ZNF264: variants seen among roughly 807,000 people sequenced by gnomAD.
The protein encoded by ZNF264 is zinc finger protein 264.
ZNF264 carries 11 observed loss-of-function variants against 11.2 expected under a neutral mutation model. That is an observed-to-expected ratio of 0.98 (90% CI 0.62 to 1.63). The LOEUF (loss-of-function observed/expected upper bound fraction) is 1.63. Among genes scored for constraint, ZNF264 ranks in the 40% most tolerant of loss-of-function variants. ZNF264 has a pLI of 0.00. For synonymous variants in ZNF264, 309 were observed against 279.8 expected (o/e 1.10, Z -1.04); for missense variants, 752 against 768.1 (o/e 0.98, Z 0.25).
At chr19:57,208,145 A>G (rs2087307807) in intron 3 of ZNF264, among the ~76,000 whole-genome samples, 1 of 152,250 alleles carries the variant, frequency 6.6e-6, no homozygotes, top group Non-Finnish European at 1.5e-5. Context: ...GTAAGCCACT[A>G]TGCCCAGCCT....
chr19:57,195,120 A>C (rs1272506008), intron 2 of ZNF264, among the ~76,000 whole-genome samples: 1 of 152,164 alleles, frequency 6.6e-6, no homozygotes, highest in Admixed American at 6.5e-5. Context: ...ACCCATACAC[A>C]TCTCCTGAGA....
chr19:57,203,322 T>G (rs2087267092), intron 2 of ZNF264, among the ~76,000 whole-genome samples: 1 of 152,126 alleles, frequency 6.6e-6, no homozygotes, highest in African/African-American at 2.4e-5. Context: ...TTAGGTGGAT[T>G]GCACATGAAA....
chr19:57,193,552 G>A (rs1326457108), intron 1 of ZNF264: 2 of 984,980 alleles, frequency 2.0e-6, no homozygotes, highest in Non-Finnish European at 2.4e-6. Flanking sequence ...TACTGCCGTT[G>A]TAACCATTAT....
At position 57,193,972 on chromosome 19, in the gene ZNF264, T is replaced by A; in HGVS notation, c.131T>A (p.Leu44Gln). Residue 44 changes from leucine to glutamine, a missense_variant, in exon 2 of 4, where the codon CTG becomes CAG. Leu to Gln is a moderately radical substitution (Grantham distance 113, BLOSUM62 -2). Transcript: ENST00000263095. Reference protein sequence around the residue: ...AQRTLYQEVMLENCGLLVSLG... With the variant: ...AQRTLYQEVMQENCGLLVSLG... Reference sequence around the variant, plus strand: ...CGGACCCTGTACCAGGAGGTGATGCTGGAAAACTGTGGGCTCCTGGTGTCT... The same window carrying A: ...CGGACCCTGTACCAGGAGGTGATGCAGGAAAACTGTGGGCTCCTGGTGTCT... 1 of 1,613,178 alleles carries A rather than the reference T, an allele frequency of 6.2e-7. No homozygotes were observed. Among genetic ancestry groups the A allele is most frequent in the Non-Finnish European group, 8.5e-7 (1 of 1,179,460 alleles).
chr19:57,199,184 G>C (rs976660844), intron 2 of ZNF264, among the ~76,000 whole-genome samples: 3 of 151,916 alleles, frequency 2.0e-5, no homozygotes, highest in Non-Finnish European at 4.4e-5. Context: ...CTTGGCCCCT[G>C]CCACCTCGGG....
At chr19:57,203,577 G>A (rs1421229981) in intron 2 of ZNF264, among the ~76,000 whole-genome samples, 1 of 152,224 alleles carries the variant, frequency 6.6e-6, no homozygotes, top group Non-Finnish European at 1.5e-5. Context: ...TTTTAAAGTA[G>A]AAGTCCTCTT....
chr19:57,192,011 G>T, intron 1 of ZNF264, 65 bp downstream of exon 1: 1 of 1,418,924 alleles, frequency 7.0e-7, no homozygotes. Context: ...TCCGAAGTGG[G>T]TGGGAGCCCA....
chr19:57,204,536 T>G (rs963902829), intron 2 of ZNF264, among the ~76,000 whole-genome samples: 3 of 152,246 alleles, frequency 2.0e-5, no homozygotes, highest in African/African-American at 4.8e-5. Flanking sequence ...TCTTGCCTGC[T>G]GCCATGTAAG....
chr19:57,206,666 G>A (rs1278724101), intron 3 of ZNF264, among the ~76,000 whole-genome samples: 1 of 151,486 alleles, frequency 6.6e-6, no homozygotes, highest in Non-Finnish European at 1.5e-5. Context: ...AAAGAGTGAT[G>A]CTATGTTACA....
At position 57,220,965 on chromosome 19, in the gene ZNF264, C is replaced by T. The variant is rs2087412852; in HGVS notation, c.*7984C>T. 2 of 151,846 alleles carry T rather than the reference C, an allele frequency of 1.3e-5. No homozygotes were observed. The highest frequency in any genetic ancestry group is 1.3e-4 in the Admixed American group (2 of 15,240). 9.4% of individuals were successfully genotyped at this position (151,846 alleles called of 1,614,324 possible). The stretch of plus-strand genomic sequence containing the variant: ...AGCCTTTATTGCAATTTTTGGTTCC[C>T]TCACAGAATGTTTACCATGAAGCTG... On this transcript the variant is annotated 3_prime_UTR_variant, in exon 4 of 4. Transcript: ENST00000263095.
chr19:57,195,191 A>G (rs1178149515), intron 2 of ZNF264, among the ~76,000 whole-genome samples: 1 of 152,248 alleles, frequency 6.6e-6, no homozygotes, highest in Admixed American at 6.5e-5. Flanking sequence ...TAATACAAGT[A>G]TCGTTCATGC....
intron 1 of ZNF264, 30 bp from the exon 2 acceptor site, chr19:57,193,845 C>A: frequency 6.2e-7 from 1 of 1,612,438 alleles, no homozygotes; most frequent in Non-Finnish European, 8.5e-7. Flanking sequence ...GCTGAAAGGC[C>A]AATACTACTA....
At chr19:57,208,771 C>T (rs933091629) in intron 3 of ZNF264, among the ~76,000 whole-genome samples, 2 of 152,110 alleles carry the variant, frequency 1.3e-5, no homozygotes, top group African/African-American at 4.8e-5. Context: ...CCTTTGTTTT[C>T]TAAAGAGCTT....
Position 57,215,184 on chromosome 19 carries a change from T to C in ZNF264, c.*2203T>C, listed in dbSNP as rs1232712582. 6.6e-6 allele frequency: 1 copy of C among 152,206 alleles called. No individual in the cohort carries two copies. The highest frequency in any genetic ancestry group is 1.9e-4 in the East Asian group (1 of 5,194). 9.4% of individuals were successfully genotyped at this position (152,206 alleles called of 1,614,324 possible). On this transcript the variant is annotated 3_prime_UTR_variant, in exon 4 of 4. Coordinates refer to ENST00000263095, the MANE Select transcript of ZNF264 (RefSeq NM_003417.5). Reference sequence around the variant, plus strand: ...ATGTTTGATGACCTCTAGTCAACCATTGGGCCAGAGATTTTTCTTCTGGAG... The same window carrying C: ...ATGTTTGATGACCTCTAGTCAACCACTGGGCCAGAGATTTTTCTTCTGGAG...
In ZNF264 at chr19:57,209,832, G is replaced by A. The variant is rs148895362; in HGVS notation, c.257-1522G>A. The stretch of plus-strand genomic sequence containing the variant: ...AGAGTGGTCTAAAACTTCTGGGCTC[G>A]AGTAATCTGCTCACCTCGGCCTCCC... On this transcript the variant is annotated intron_variant, in intron 3 of 3. Coordinates refer to ENST00000263095, the MANE Select transcript of ZNF264 (RefSeq NM_003417.5). Among the ~76,000 whole-genome samples, 731 of 152,092 alleles carry A rather than the reference G, an allele frequency of 4.8e-3. 2 individuals are homozygous for A. Among genetic ancestry groups the A allele is most frequent in the African/African-American group, 0.015 (641 of 41,502 alleles).
chr19:57,206,212 C>T (rs763776998), intron 3 of ZNF264, among the ~76,000 whole-genome samples: 76 of 152,238 alleles, frequency 5.0e-4, no homozygotes, highest in Non-Finnish European at 8.8e-4. Flanking sequence ...TCTCAGTCCA[C>T]TACATTGAGT....
rs772303143 is a variant in ZNF264, at chr19:57,212,342, G to A, written c.1245G>A (p.Lys415=). The A allele has an allele frequency of 8.1e-6, 13 of 1,611,302 alleles. No homozygotes were observed. Among genetic ancestry groups the A allele is most frequent in the East Asian group, 2.2e-5 (1 of 44,580 alleles). The part of the protein sequence containing the change: ...GKAFNHRSYL[K]RHQRIHTGEK... ...CTTTCAACCACCGATCCTACCTCAA[G>A]AGGCACCAGCGGATTCACACTGGGG... is the stretch of plus-strand genomic sequence containing the variant. Residue 415 remains lysine, a synonymous_variant, in exon 4 of 4, where the codon AAG becomes AAA. Transcript: ENST00000263095.
chr19:57,210,921 G>T (rs8109205), intron 3 of ZNF264, among the ~76,000 whole-genome samples: 2 of 152,008 alleles, frequency 1.3e-5, no homozygotes, highest in African/African-American at 2.4e-5. Flanking sequence ...TGACTTCACA[G>T]GAAAAGCGTA....
At position 57,212,880 on chromosome 19, in the gene ZNF264, T is replaced by TTGAATGTAACCAC; in HGVS notation, c.1787_1799dup (p.Ala601CysfsTer4). ...AGAACTTCTTTTAGGGAAGGACTTTTTGAATGTAACCACTGAGGCAAATAT... is the reference window on the plus strand; with the variant it reads ...AGAACTTCTTTTAGGGAAGGACTTTTTGAATGTAACCACTGAATGTAACCACTGAGGCAAATAT... On this transcript the variant is annotated frameshift_variant, in exon 4 of 4. Transcript: ENST00000263095. LOFTEE classifies it low-confidence loss of function (END_TRUNC). 1 of 1,614,226 alleles carries TTGAATGTAACCAC rather than the reference T, an allele frequency of 6.2e-7. No homozygotes were observed. Among genetic ancestry groups the TTGAATGTAACCAC allele is most frequent in the Non-Finnish European group, 8.5e-7 (1 of 1,180,044 alleles).
Sources: allele counts gnomAD v4.1 joint callset (sites outside exome capture counted in the v4.1 genomes callset), GRCh38; gene constraint gnomAD v4.1.1; transcripts MANE v1.5; gene names NCBI Gene and HGNC (gene_info 2026-07-23, HGNC 2026-07-21).